THSD7A: variants seen among roughly 807,000 people sequenced by gnomAD.
THSD7A encodes the protein thrombospondin type 1 domain containing 7A, also known as thrombospondin type-1 domain-containing protein 7A.
A neutral mutation model predicts 231.3 loss-of-function variants in THSD7A; 96 were observed. That is an observed-to-expected ratio of 0.41 (90% CI 0.35 to 0.49). The LOEUF is 0.49. Among genes scored for constraint, THSD7A ranks in the 20% least tolerant of loss-of-function variants. The pLI is 0.05. For synonymous variants in THSD7A, 940 were observed against 743.3 expected (o/e 1.26, Z -4.30); for missense variants, 2,290 against 2,070.2 (o/e 1.11, Z -2.06).
chr7:11,760,871 C>T (rs1462086275), intron 1 of THSD7A, among the ~76,000 whole-genome samples: 1 of 150,962 alleles, frequency 6.6e-6, no homozygotes, highest in Non-Finnish European at 1.5e-5. Flanking sequence ...AATCCATTAT[C>T]ATACCACAGG....
chr7:11,401,317 G>C lies in THSD7A; in HGVS notation c.4411+478C>G, dbSNP rs920697309. Among the ~76,000 whole-genome samples, 5 of 152,128 alleles carry C rather than the reference G, an allele frequency of 3.3e-5. No individual in the cohort carries two copies. The South Asian group carries it at 1.0e-3, about 31-fold the overall frequency. On this transcript the variant is annotated intron_variant, in intron 23 of 27. Transcript: ENST00000423059. ...GCAAAACTCACACCTTATTTATGAA[G>C]GGTGGCAGGATGTTCCATCTTTCCA...
At chr7:11,473,196 A>T (rs1479440060) in intron 8 of THSD7A, among the ~76,000 whole-genome samples, 1 of 152,174 alleles carries the variant, frequency 6.6e-6, no homozygotes, top group Non-Finnish European at 1.5e-5. Context: ...CCCTGGCCAG[A>T]CACAAACATC....
At chr7:11,714,689 T>C (rs1165912612) in intron 1 of THSD7A, among the ~76,000 whole-genome samples, 1 of 151,356 alleles carries the variant, frequency 6.6e-6, no homozygotes, top group African/African-American at 2.4e-5. Flanking sequence ...TTTCCAAAAT[T>C]ATAGTCAAAC....
chr7:11,549,662 C>A (rs936768271), intron 4 of THSD7A, among the ~76,000 whole-genome samples: 8 of 152,012 alleles, frequency 5.3e-5, no homozygotes, highest in Non-Finnish European at 1.0e-4. Flanking sequence ...TTATTCTCAG[C>A]AAACTAACAC....
chr7:11,561,287 T>C (rs1790066685), intron 4 of THSD7A, among the ~76,000 whole-genome samples: 1 of 152,168 alleles, frequency 6.6e-6, no homozygotes, highest in Admixed American at 6.5e-5. Flanking sequence ...GTTAATATAA[T>C]GTCATGTAGT....
chr7:11,591,771 C>T (rs1329448464), intron 3 of THSD7A, among the ~76,000 whole-genome samples: 1 of 151,974 alleles, frequency 6.6e-6, no homozygotes, highest in East Asian at 1.9e-4. Context: ...ATAATTGATG[C>T]CTGGTTTGGG....
chr7:11,396,641 G>C (rs1043597578), intron 23 of THSD7A, among the ~76,000 whole-genome samples: 3 of 152,142 alleles, frequency 2.0e-5, no homozygotes, highest in Admixed American at 6.5e-5. Flanking sequence ...GTAATTAGTA[G>C]CCTACCAACC....
rs368705432 is a variant in THSD7A at position 11,394,437 on chromosome 7, G to C, written c.4411+7358C>G. ...TCAGAGTGGTGGGAGAAACTATAGGGAAAGGAGCAGGCCTTCGGAAAGGTG... is the reference window on the plus strand; with the variant it reads ...TCAGAGTGGTGGGAGAAACTATAGGCAAAGGAGCAGGCCTTCGGAAAGGTG... On this transcript the variant is annotated intron_variant, in intron 23 of 27. Coordinates refer to ENST00000423059, the MANE Select transcript of THSD7A (RefSeq NM_015204.3). Among the ~76,000 whole-genome samples, 16 of 152,230 alleles carry C rather than the reference G, an allele frequency of 1.1e-4. No individual in the cohort carries two copies. In the East Asian group the frequency reaches 1.2e-3, roughly 11 times the overall value.
intron 10 of THSD7A, 143 bp from the exon 11 acceptor site, chr7:11,460,908 ATCTCCATCTAGGCTT>A: frequency 1.6e-6 from 1 of 625,362 alleles, no homozygotes; most frequent in Non-Finnish European, 2.8e-6. Flanking sequence ...TTTAATTTAG[ATCTCCATCTAGGCTT>A]TAGAAGAAGT....
chr7:11,640,331 C>G (rs1782034585), intron 1 of THSD7A, among the ~76,000 whole-genome samples: 1 of 152,094 alleles, frequency 6.6e-6, no homozygotes, highest in African/African-American at 2.4e-5. Context: ...CAACAGATGC[C>G]ATTTGCATAA....
intron 2 of THSD7A, among the ~76,000 whole-genome samples, chr7:11,612,922 G>A (rs1475884193): frequency 6.6e-6 from 1 of 152,116 alleles, no homozygotes; most frequent in Non-Finnish European, 1.5e-5. Flanking sequence ...GGTAAGGAGG[G>A]CAGGACCGTT....
In THSD7A at chr7:11,593,237, C is replaced by T. The variant is rs901274178; in HGVS notation, c.1271+17G>A. The stretch of plus-strand genomic sequence containing the variant: ...ATGTAGTTTCGGCAGACGCTATACC[C>T]TTCTTTATTTACTCACGTGGCACAG... On this transcript the variant is annotated intron_variant, in intron 3 of 27. Transcript: ENST00000423059. 5.0e-6 allele frequency: 8 copies of T among 1,612,874 alleles called. No homozygotes were observed. The African/African-American group carries it at 9.3e-5, about 19-fold the overall frequency.
intron 1 of THSD7A, among the ~76,000 whole-genome samples, chr7:11,792,493 G>C (rs757832790): frequency 6.6e-6 from 1 of 151,738 alleles, no homozygotes; most frequent in Admixed American, 6.6e-5. Flanking sequence ...CCTTATAGTG[G>C]GGACAATCTA....
At chr7:11,573,026 T>C (rs1206574741) in intron 4 of THSD7A, among the ~76,000 whole-genome samples, 1 of 152,208 alleles carries the variant, frequency 6.6e-6, no homozygotes, top group Non-Finnish European at 1.5e-5. Flanking sequence ...ACTGATCTTT[T>C]CAGGTTTGAT....
At chr7:11,619,147 A>T (rs1469058333) in intron 2 of THSD7A, among the ~76,000 whole-genome samples, 2 of 152,052 alleles carry the variant, frequency 1.3e-5, no homozygotes, top group East Asian at 3.9e-4. Flanking sequence ...GCAAATAAGA[A>T]ATATAAAGAA....
intron 1 of THSD7A, among the ~76,000 whole-genome samples, chr7:11,728,437 G>A (rs747650868): frequency 2.6e-4 from 39 of 151,836 alleles, no homozygotes; most frequent in Non-Finnish European, 4.4e-5. Flanking sequence ...TATATGACTT[G>A]AAAAGTATAT....
intron 1 of THSD7A, among the ~76,000 whole-genome samples, chr7:11,749,396 C>A (rs1782424943): frequency 6.6e-6 from 1 of 151,980 alleles, no homozygotes; most frequent in South Asian, 2.1e-4. Flanking sequence ...GCAAGGTAAG[C>A]TTCTATCATT....
intron 1 of THSD7A, among the ~76,000 whole-genome samples, chr7:11,745,926 A>G (rs1008953386): frequency 2.0e-5 from 3 of 152,048 alleles, no homozygotes; most frequent in Admixed American, 6.6e-5. Flanking sequence ...TTGGCAATGC[A>G]GGCTCTTTTT....
In THSD7A at chr7:11,590,685, T is replaced by C; in HGVS notation, c.1272-44A>G. The C allele has an allele frequency of 6.4e-7, 1 of 1,550,684 alleles. No individual in the cohort carries two copies. The highest frequency in any genetic ancestry group is 8.7e-7 in the Non-Finnish European group (1 of 1,149,346). On this transcript the variant is annotated intron_variant, in intron 3 of 27. Transcript: ENST00000423059. This position sits in a 1 kb window ranked among gnomAD's most constrained non-coding sequence, Gnocchi z 4.4. ...ACCAGCAGCAACCATAATTATTGAA[T>C]GACGTGTTTCTCTACTCCTGTCATA...
Sources: gnomAD v4.1 joint callset for allele counts (sites outside exome capture counted in the v4.1 genomes callset) on GRCh38, gnomAD v4.1.1 for gene constraint, Gnocchi (gnomAD v3.1) non-coding constraint, MANE v1.5 for transcripts, NCBI Gene and HGNC (gene_info 2026-07-23, HGNC 2026-07-21) for gene names.